WRN: variants seen among roughly 807,000 people sequenced by gnomAD.
WRN encodes WRN RecQ like helicase.
WRN carries 149 observed loss-of-function variants against 180.7 expected under a neutral mutation model. The ratio of observed to expected loss-of-function variants is 0.82; its 90% CI spans 0.72 to 0.94. The LOEUF is 0.94. Among genes scored for constraint, WRN ranks in the 40% least tolerant of loss-of-function variants. WRN has a pLI of 0.00. For synonymous variants in WRN, 548 were observed against 568.9 expected (o/e 0.96, Z 0.52); for missense variants, 1,661 against 1,700.1 (o/e 0.98, Z 0.40).
intron 18 of WRN, among the ~76,000 whole-genome samples, chr8:31,101,996 CT>C (rs1800890100): frequency 6.6e-6 from 1 of 151,496 alleles, no homozygotes. Flanking sequence ...ACAGTAACAT[CT>C]TGTGTGACTA....
intron 32 of WRN, among the ~76,000 whole-genome samples, chr8:31,155,689 G>C (rs928885615): frequency 6.6e-6 from 1 of 151,714 alleles, no homozygotes; most frequent in Non-Finnish European, 1.5e-5. Context: ...CTTTAAGGCT[G>C]TTGAGGTTTT....
In WRN at chr8:31,067,151, A is replaced by AC. The variant is rs1563331387; in HGVS notation, c.625dup (p.Gln209ProfsTer8). ...TGGAGTAAATTTCCTCTCACTGAGG[A>AC]CCAGAAACTGTATGCAGCCACTGAT... On this transcript the variant is annotated frameshift_variant, in exon 6 of 35. Coordinates refer to ENST00000298139, the MANE Select transcript of WRN (RefSeq NM_000553.6). LOFTEE classifies it high-confidence loss of function. The AC allele has an allele frequency of 6.2e-7, 1 of 1,613,888 alleles. No individual in the cohort carries two copies. Among genetic ancestry groups the AC allele is most frequent in the Non-Finnish European group, 8.5e-7 (1 of 1,179,956 alleles).
intron 18 of WRN, among the ~76,000 whole-genome samples, chr8:31,101,708 A>G (rs1302461504): frequency 6.9e-6 from 1 of 145,936 alleles, no homozygotes; most frequent in African/African-American, 2.6e-5. Context: ...AATTGCTTGA[A>G]CTCGGGAGGT....
rs35645656 is a variant in WRN, at chr8:31,130,618, GTTT to G, written c.2826-1734_2826-1732del. On this transcript the variant is annotated intron_variant, in intron 23 of 34. Transcript: ENST00000298139. ...TAACAATTTATAGCATAGGATTTGG[GTTT>G]TTTTTTTTTTTTCATTTTAAAGAAG... Among the ~76,000 whole-genome samples the G allele has an allele frequency of 8.6e-4, 123 of 143,028 alleles. 1 individual carries two copies. Among genetic ancestry groups the G allele is most frequent in the Admixed American group, 1.9e-3 (27 of 14,546 alleles). The allele number at this position is 143,028 out of a possible 152,430, so 93.8% of individuals were successfully genotyped here. A position where few individuals can be genotyped will look rare whatever the true frequency, so the allele number is the denominator to read the frequency against.
In WRN at chr8:31,065,141, A is replaced by C. The variant is rs2130038199; in HGVS notation, c.504+78A>C. The C allele has an allele frequency of 2.7e-6, 4 of 1,488,208 alleles. No homozygotes were observed. The East Asian group carries it at 9.3e-5, about 35-fold the overall frequency. 92.2% of individuals were successfully genotyped at this position (1,488,208 alleles called of 1,614,324 possible). ...AGAATGTACTTTCTATCTGAATGTT[A>C]GATTTTTTTTTGAAAAAGCTTGTTA... On this transcript the variant is annotated intron_variant, in intron 5 of 34. Transcript: ENST00000298139.
intron 7 of WRN, among the ~76,000 whole-genome samples, chr8:31,071,043 CA>C (rs1812894472): frequency 1.4e-5 from 1 of 69,786 alleles, no homozygotes; most frequent in Non-Finnish European, 3.0e-5. Context: ...GACTCTGTCT[CA>C]GAAAAAAAAA....
chr8:31,119,617 T>A (rs1328329375), intron 20 of WRN, among the ~76,000 whole-genome samples: 1 of 152,012 alleles, frequency 6.6e-6, no homozygotes, highest in Non-Finnish European at 1.5e-5. Flanking sequence ...TAAATGCTTT[T>A]TATGATCTCT....
At chr8:31,094,224 A>G (rs1054649734) in intron 16 of WRN, among the ~76,000 whole-genome samples, 8 of 152,232 alleles carry the variant, frequency 5.3e-5, no homozygotes, top group African/African-American at 1.7e-4. Flanking sequence ...ACTAAAGTCC[A>G]GTGGGTTTTG....
At position 31,138,328 on chromosome 8, in the gene WRN, A is replaced by G. The variant is rs990965528; in HGVS notation, c.2968-3102A>G. Among the ~76,000 whole-genome samples the G allele has an allele frequency of 6.0e-4, 91 of 152,326 alleles. 1 individual carries two copies. The highest frequency in any genetic ancestry group is 2.2e-3 in the African/African-American group (90 of 41,592). ...TATTTTACTTACAAAAATAAATTAT[A>G]TTATGTATATTTAAAGTATACAATT... On this transcript the variant is annotated intron_variant, in intron 24 of 34. Transcript: ENST00000298139.
chr8:31,082,294 T>G (rs776292932), intron 9 of WRN, among the ~76,000 whole-genome samples: 2 of 152,220 alleles, frequency 1.3e-5, no homozygotes, highest in Non-Finnish European at 2.9e-5. Context: ...AAAATTAGAT[T>G]TGACCATTTA....
chr8:31,145,154 G>A (rs1472339341), intron 28 of WRN, among the ~76,000 whole-genome samples: 1 of 152,232 alleles, frequency 6.6e-6, no homozygotes, highest in Non-Finnish European at 1.5e-5. Flanking sequence ...CGATGAAGGT[G>A]CCTGCACTAA....
chr8:31,074,424 C>T (rs962539471), intron 7 of WRN, among the ~76,000 whole-genome samples: 10 of 152,010 alleles, frequency 6.6e-5, no homozygotes, highest in Admixed American at 3.9e-4. Flanking sequence ...ACGTAATTCT[C>T]TTATTATTTC....
chr8:31,095,965 G>A (rs943147385), intron 16 of WRN, among the ~76,000 whole-genome samples: 1 of 152,180 alleles, frequency 6.6e-6, no homozygotes, highest in Admixed American at 6.5e-5. Flanking sequence ...ACAATTAGCT[G>A]TCTTGATAGT....
At chr8:31,064,776 A>G (rs1257277628) in intron 4 of WRN, 139 bp from the exon 5 acceptor site, 1 of 1,069,830 alleles carries the variant, frequency 9.3e-7, no homozygotes, top group Non-Finnish European at 1.4e-6. Flanking sequence ...TAGTTAAGAA[A>G]TACTCAAGGT....
In WRN at chr8:31,174,108, C is replaced by G. The variant is rs1804195211; in HGVS notation, c.*1006C>G. ...AGTCAACCTCTTTTGTGTATCCCAC[C>G]AGACTTTTTTATATTCATTTGTTTT... On this transcript the variant is annotated 3_prime_UTR_variant, in exon 35 of 35. Transcript: ENST00000298139. 2.6e-5 allele frequency among the ~76,000 whole-genome samples: 4 copies of G among 152,184 alleles called. No homozygotes were observed. Among genetic ancestry groups the G allele is most frequent in the African/African-American group, 9.7e-5 (4 of 41,446 alleles).
chr8:31,075,277 CAA>C (rs1484106961), intron 7 of WRN, among the ~76,000 whole-genome samples: 1 of 152,034 alleles, frequency 6.6e-6, no homozygotes, highest in Non-Finnish European at 1.5e-5. Context: ...TTTTGAAGGA[CAA>C]GAGAAATGAT....
At chr8:31,048,444 C>G (rs1157731122) in intron 1 of WRN, among the ~76,000 whole-genome samples, 1 of 152,014 alleles carries the variant, frequency 6.6e-6, no homozygotes, top group Non-Finnish European at 1.5e-5. Context: ...AGGAGAATAC[C>G]TTATAAATGA....
chr8:31,149,774 C>G (rs945801881), intron 30 of WRN, among the ~76,000 whole-genome samples: 1 of 151,672 alleles, frequency 6.6e-6, no homozygotes, highest in Non-Finnish European at 1.5e-5. Flanking sequence ...AGTGCCTGGC[C>G]CAGAGGAGAT....
At chr8:31,137,058 GTT>G (rs11324825) in intron 24 of WRN, among the ~76,000 whole-genome samples, 219 of 135,914 alleles carry the variant, frequency 1.6e-3, no homozygotes, top group East Asian at 6.3e-3. Flanking sequence ...TTTTAATTCT[GTT>G]TTTTTTTTTT....
Sources: gnomAD v4.1 joint callset for allele counts (sites outside exome capture counted in the v4.1 genomes callset) on GRCh38, gnomAD v4.1.1 for gene constraint, MANE v1.5 for transcripts, NCBI Gene and HGNC (gene_info 2026-07-23, HGNC 2026-07-21) for gene names.